Variants in YES1 observed in about 807,000 individuals in gnomAD.
YES1 encodes tyrosine-protein kinase Yes.
Under a neutral mutation model 70.4 loss-of-function variants are expected in YES1, and 39 were observed. The observed-to-expected ratio is 0.55, with a 90% CI of 0.43 to 0.72. The LOEUF (loss-of-function observed/expected upper bound fraction) is 0.72, where lower values mean the gene tolerates loss of function less well. Ranked by LOEUF, YES1 falls within the 30% of genes least tolerant of loss-of-function variation. The pLI is 0.00. For synonymous variants in YES1, 198 were observed against 218.6 expected (o/e 0.91, Z 0.83); for missense variants, 495 against 644.8 (o/e 0.77, Z 2.52).
intron 10 of YES1, chr18:736,030 G>A (rs1005123091): frequency 2.0e-5 from 3 of 152,440 alleles, no homozygotes; most frequent in African/African-American, 7.2e-5. Context: ...GAATTAGTCA[G>A]GCGTGGTAGT....
At chr18:732,358 T>C (rs1219762726) in intron 11 of YES1, among the ~76,000 whole-genome samples, 1 of 144,528 alleles carries the variant, frequency 6.9e-6, no homozygotes, top group Non-Finnish European at 1.5e-5. Flanking sequence ...GAGAATTGCT[T>C]GAACCCGGGA....
intron 1 of YES1, among the ~76,000 whole-genome samples, chr18:805,807 TTA>T (rs1173536804): frequency 6.6e-6 from 1 of 152,194 alleles, no homozygotes; most frequent in African/African-American, 2.4e-5. Flanking sequence ...AAGTATTAAC[TTA>T]TACACAACCA....
intron 11 of YES1, among the ~76,000 whole-genome samples, chr18:731,005 A>G (rs1390781073): frequency 6.6e-6 from 1 of 152,158 alleles, no homozygotes; most frequent in Admixed American, 6.6e-5. Context: ...TTTAAGGAGT[A>G]GAATTGTTTC....
At position 743,407 on chromosome 18, in the gene YES1, C is replaced by G; in HGVS notation, c.733G>C (p.Asp245His). ...GTTGTCAACTTGTGGCATAAACCATCAGCATGTTCTAGATAAATGAATAAA... is the reference window on the plus strand; with the variant it reads ...GTTGTCAACTTGTGGCATAAACCATGAGCATGTTCTAGATAAATGAATAAA... ...KLVKHYTEHA[D>H]GLCHKLTTVC... The change falls in exon 7 of 12, where the codon GAT becomes CAT. Residue 245 changes from aspartate to histidine, a missense_variant. Asp to His is a moderately conservative substitution (Grantham distance 81, BLOSUM62 -1). Around this residue, in one of 2 missense-constraint regions of YES1, gnomAD observed 385 missense variants for 540.9 expected, o/e 0.71. Coordinates refer to ENST00000314574, the MANE Select transcript of YES1 (RefSeq NM_005433.4). 6.2e-7 allele frequency: 1 copy of G among 1,612,048 alleles called. No individual in the cohort carries two copies. Among genetic ancestry groups the G allele is most frequent in the East Asian group, 2.2e-5 (1 of 44,846 alleles).
chr18:729,867 C>T (rs2080067611), intron 11 of YES1, among the ~76,000 whole-genome samples: 1 of 152,092 alleles, frequency 6.6e-6, no homozygotes, highest in Non-Finnish European at 1.5e-5. Context: ...CCTTGTGATC[C>T]ACCCGCCTTG....
intron 1 of YES1, chr18:788,034 C>T (rs994304551): frequency 6.6e-5 from 10 of 152,168 alleles, no homozygotes; most frequent in Admixed American, 2.6e-4. Context: ...AGGATGCACG[C>T]TGACTGTTTC....
intron 1 of YES1, among the ~76,000 whole-genome samples, chr18:802,790 C>G (rs117682421): frequency 0.025 from 3,742 of 152,022 alleles, 72 homozygotes; most frequent in Non-Finnish European, 0.038. Context: ...TAATAAATAC[C>G]TACCTCAAGG....
chr18:788,752 T>A (rs1906092041), intron 1 of YES1, among the ~76,000 whole-genome samples: 1 of 152,124 alleles, frequency 6.6e-6, no homozygotes, highest in East Asian at 1.9e-4. Context: ...AAACCCTGTC[T>A]CTACTAAAAA....
intron 1 of YES1, among the ~76,000 whole-genome samples, chr18:761,542 C>T (rs150447619): frequency 6.6e-6 from 1 of 152,218 alleles, no homozygotes; most frequent in East Asian, 1.9e-4. Flanking sequence ...TCATCCTCAC[C>T]TCCTTTACCC....
chr18:735,589 C>T (rs1290305848), intron 10 of YES1, among the ~76,000 whole-genome samples: 3 of 152,068 alleles, frequency 2.0e-5, no homozygotes, highest in African/African-American at 7.2e-5. Context: ...TGGTACGAGC[C>T]TGTAATCCCA....
chr18:772,526 G>A (rs1160577095), intron 1 of YES1, among the ~76,000 whole-genome samples: 2 of 151,834 alleles, frequency 1.3e-5, no homozygotes, highest in Admixed American at 1.3e-4. Context: ...TCCGCCTCCT[G>A]GGTTCAAGCA....
intron 2 of YES1, among the ~76,000 whole-genome samples, chr18:754,066 C>T (rs2080376000): frequency 6.6e-6 from 1 of 152,198 alleles, no homozygotes; most frequent in Non-Finnish European, 1.5e-5. Flanking sequence ...GTCTCATCTG[C>T]TTCTATACTG....
chr18:787,548 A>G (rs1427402578), intron 1 of YES1, among the ~76,000 whole-genome samples: 1 of 152,058 alleles, frequency 6.6e-6, no homozygotes, highest in Admixed American at 6.5e-5. Context: ...CATCTCTACT[A>G]AAAATACAAA....
chr18:753,042 T>C (rs1013413964), intron 2 of YES1, among the ~76,000 whole-genome samples: 2 of 152,144 alleles, frequency 1.3e-5, no homozygotes, highest in African/African-American at 4.8e-5. Context: ...CTTAAAGAGA[T>C]TAGCATACTG....
intron 1 of YES1, among the ~76,000 whole-genome samples, chr18:759,705 T>TTC (rs386386829): frequency 6.6e-6 from 1 of 151,508 alleles, no homozygotes; most frequent in African/African-American, 2.4e-5. Flanking sequence ...ATTTATTTAT[T>TTC]TCTTTTTTTC....
In YES1 at chr18:737,760, C is replaced by A. The variant is rs1176815303; in HGVS notation, c.1138-799G>T. Among the ~76,000 whole-genome samples the A allele has an allele frequency of 2.0e-5, 3 of 152,330 alleles. No individual in the cohort carries two copies. The South Asian group carries it at 6.2e-4, about 32-fold the overall frequency. On this transcript the variant is annotated intron_variant, in intron 9 of 11. Coordinates refer to ENST00000314574, the MANE Select transcript of YES1 (RefSeq NM_005433.4). ...ACTGAGACGGGGTCTCACTCTGTCA[C>A]GCAGGTTGGCGTGCAGTGGTGCAAT... is the stretch of plus-strand genomic sequence containing the variant.
rs574507201 is a variant in YES1 at position 810,228 on chromosome 18, T to C, written c.-9+1886A>G. ...GAATAAGTAAGTCTTACACCATCGG[T>C]TGGTAATATTTCACTTATACAGGTT... On this transcript the variant is annotated intron_variant, in intron 1 of 11. Transcript: ENST00000314574. 5.9e-5 allele frequency among the ~76,000 whole-genome samples: 9 copies of C among 152,294 alleles called. No individual in the cohort carries two copies. In the South Asian group the frequency reaches 6.2e-4, roughly 11 times the overall value.
rs1740598888 is a variant in YES1, at chr18:783,638, C to CA, written c.-8-26804dup. 1.3e-4 allele frequency among the ~76,000 whole-genome samples: 19 copies of CA among 142,672 alleles called. 1 individual carries two copies. Among genetic ancestry groups the CA allele is most frequent in the South Asian group, 1.1e-3 (5 of 4,508 alleles). The allele number at this position is 142,672 out of a possible 152,430, so 93.6% of individuals were successfully genotyped here. On this transcript the variant is annotated intron_variant, in intron 1 of 11. Transcript: ENST00000314574. ...TTCTCTTTTTTTTTTTTTTTTGAAA[C>CA]AGAGTTTCACTCCTGTTGCCCAGGC...
At chr18:733,269 G>A (rs1239429576) in intron 10 of YES1, among the ~76,000 whole-genome samples, 1 of 152,188 alleles carries the variant, frequency 6.6e-6, no homozygotes, top group Non-Finnish European at 1.5e-5. Context: ...TATAATATGT[G>A]TAACTTTTAA....
Sources: allele counts gnomAD v4.1 joint callset (sites outside exome capture counted in the v4.1 genomes callset), GRCh38; gene constraint gnomAD v4.1.1; regional missense constraint gnomAD v4.1.1; transcripts MANE v1.5; gene names NCBI Gene and HGNC (gene_info 2026-07-23, HGNC 2026-07-21).